PKNOX2: variants seen among roughly 807,000 people sequenced by gnomAD.
PKNOX2 encodes homeobox protein PKNOX2.
Under a neutral mutation model 53.1 loss-of-function variants are expected in PKNOX2, and 14 were observed. That is an observed-to-expected ratio of 0.26 (90% confidence interval 0.17 to 0.41). The LOEUF is 0.41. Ranked by LOEUF, PKNOX2 falls within the 10% of genes least tolerant of loss-of-function variation. The pLI is 1.00. For missense variants in PKNOX2, 496 were observed against 602.8 expected, an observed-to-expected ratio of 0.82 and a Z score of 1.85; for synonymous variants, 257 against 242.8, an observed-to-expected ratio of 1.06 and a Z score of -0.54.
chr11:125,260,742 A>G (rs933828556), intron 2 of PKNOX2, among the ~76,000 whole-genome samples: 50 of 152,152 alleles, frequency 3.3e-4, no homozygotes, highest in African/African-American at 1.2e-3. Flanking sequence ...CCACCTCTCC[A>G]TGCACACACA....
At chr11:125,369,883 G>A (rs895864073) in intron 5 of PKNOX2, among the ~76,000 whole-genome samples, 1 of 152,178 alleles carries the variant, frequency 6.6e-6, no homozygotes, top group East Asian at 1.9e-4. Flanking sequence ...TTGGAGCATT[G>A]CTACTCAAAG....
chr11:125,286,470 T>G (rs994783899), intron 2 of PKNOX2, among the ~76,000 whole-genome samples: 1 of 152,232 alleles, frequency 6.6e-6, no homozygotes, highest in Non-Finnish European at 1.5e-5. Context: ...TTCTTCAAAG[T>G]AAGTTTTGCT....
chr11:125,215,030 C>T (rs898131195), intron 1 of PKNOX2, among the ~76,000 whole-genome samples: 11 of 151,884 alleles, frequency 7.2e-5, no homozygotes, highest in Admixed American at 3.9e-4. Flanking sequence ...GGAGAGCGTC[C>T]GCGAAGGAAA....
intron 2 of PKNOX2, among the ~76,000 whole-genome samples, chr11:125,330,835 A>G (rs1950096741): frequency 6.6e-6 from 1 of 152,238 alleles, no homozygotes; most frequent in Admixed American, 6.5e-5. Flanking sequence ...TCACTGGTTA[A>G]TTACATTCTT....
At chr11:125,168,954 A>T (rs1210901527) in intron 1 of PKNOX2, among the ~76,000 whole-genome samples, 2 of 152,128 alleles carry the variant, frequency 1.3e-5, no homozygotes, top group Non-Finnish European at 2.9e-5. Flanking sequence ...TCTATCTCTA[A>T]TCTCAGGCTT....
intron 7 of PKNOX2, among the ~76,000 whole-genome samples, chr11:125,405,272 C>T (rs1227979726): frequency 6.6e-6 from 1 of 152,266 alleles, no homozygotes; most frequent in Non-Finnish European, 1.5e-5. Context: ...TTCAAAACAG[C>T]TTAAACAGAA....
chr11:125,379,995 G>C (rs1464655854), intron 5 of PKNOX2, among the ~76,000 whole-genome samples: 2 of 151,286 alleles, frequency 1.3e-5, no homozygotes, highest in Admixed American at 6.6e-5. Context: ...GAGGTGATGA[G>C]GGTAGGGGGT....
chr11:125,284,430 C>T (rs946479587), intron 2 of PKNOX2, among the ~76,000 whole-genome samples: 4 of 152,154 alleles, frequency 2.6e-5, no homozygotes, highest in East Asian at 1.9e-4. Context: ...GATTGTGGTG[C>T]GTGTTAGCGC....
chr11:125,396,540 A>G (rs936796559), intron 6 of PKNOX2, among the ~76,000 whole-genome samples: 2 of 150,470 alleles, frequency 1.3e-5, no homozygotes, highest in South Asian at 2.1e-4. Context: ...TTTTCCTGTC[A>G]CTTCTGGGAA....
intron 2 of PKNOX2, among the ~76,000 whole-genome samples, chr11:125,315,731 T>A (rs1949142097): frequency 6.6e-6 from 1 of 152,194 alleles, no homozygotes; most frequent in Non-Finnish European, 1.5e-5. Flanking sequence ...CAGTGGTGGC[T>A]GGGCTAGAAA....
chr11:125,193,680 G>A (rs1037019102), intron 1 of PKNOX2, among the ~76,000 whole-genome samples: 1 of 152,190 alleles, frequency 6.6e-6, no homozygotes. Context: ...AGTGCAGAGA[G>A]GGGCATTGAC....
chr11:125,400,441 C>T (rs561707366), intron 7 of PKNOX2, among the ~76,000 whole-genome samples: 4 of 152,274 alleles, frequency 2.6e-5, no homozygotes, highest in East Asian at 1.9e-4. Flanking sequence ...TCATGTCATT[C>T]GCCTGCTCAG....
At chr11:125,361,244 A>AG (rs145701699) in intron 4 of PKNOX2, among the ~76,000 whole-genome samples, 6,529 of 152,276 alleles carry the variant, frequency 0.043, 443 homozygotes, top group African/African-American at 0.14. Flanking sequence ...CAGTCTAGTG[A>AG]GGAGGGAGGC....
chr11:125,348,911 C>T (rs1342843989), intron 3 of PKNOX2, among the ~76,000 whole-genome samples: 1 of 152,194 alleles, frequency 6.6e-6, no homozygotes, highest in Non-Finnish European at 1.5e-5. Context: ...GAGGCGGCTC[C>T]CACCCTGACT....
At chr11:125,303,176 G>A (rs1025394634) in intron 2 of PKNOX2, among the ~76,000 whole-genome samples, 2 of 152,196 alleles carry the variant, frequency 1.3e-5, no homozygotes, top group Non-Finnish European at 2.9e-5. Context: ...CCAGGCCACA[G>A]AAATAAACAT....
intron 1 of PKNOX2, among the ~76,000 whole-genome samples, chr11:125,200,153 G>A (rs930483109): frequency 4.6e-5 from 7 of 152,164 alleles, no homozygotes; most frequent in African/African-American, 1.7e-4. Flanking sequence ...TCCCCCAGAT[G>A]GTAACCGGAG....
chr11:125,416,360 C>CT (rs1955886836), intron 10 of PKNOX2, among the ~76,000 whole-genome samples: 1 of 141,770 alleles, frequency 7.1e-6, no homozygotes, highest in African/African-American at 2.6e-5. Context: ...CGTTTGGGAA[C>CT]TAATCTGTCC....
intron 10 of PKNOX2, among the ~76,000 whole-genome samples, chr11:125,412,312 A>G (rs917321506): frequency 6.6e-6 from 1 of 152,178 alleles, no homozygotes; most frequent in Admixed American, 6.5e-5. Flanking sequence ...CCACTGGGTG[A>G]GCCAAGCGCT....
chr11:125,383,577 A>T (rs993809042), intron 5 of PKNOX2, among the ~76,000 whole-genome samples: 1 of 152,136 alleles, frequency 6.6e-6, no homozygotes, highest in Non-Finnish European at 1.5e-5. Flanking sequence ...AGATCATGCC[A>T]CTGCACTCCA....
Sources: gnomAD v4.1 joint callset for allele counts (sites outside exome capture counted in the v4.1 genomes callset) on GRCh38, gnomAD v4.1.1 for gene constraint, MANE v1.5 for transcripts, NCBI Gene and HGNC (gene_info 2026-07-23, HGNC 2026-07-21) for gene names.